Variants in MARCHF4 observed in about 807,000 individuals in gnomAD.
The protein encoded by MARCHF4 is E3 ubiquitin-protein ligase MARCHF4.
In MARCHF4, 14 loss-of-function variants were observed where a neutral mutation model predicts 43.9. That is an observed-to-expected ratio of 0.32 (90% CI 0.21 to 0.50). The LOEUF is 0.50. Among genes scored for constraint, MARCHF4 ranks in the 20% least tolerant of loss-of-function variants. The pLI is 0.98. For synonymous variants in MARCHF4, 226 were observed against 213.3 expected, an observed-to-expected ratio of 1.06 and a Z score of -0.52; for missense variants, 468 against 536.7, an observed-to-expected ratio of 0.87 and a Z score of 1.27.
chr2:216,359,786 G>A (rs1443402872), intron 1 of MARCHF4, among the ~76,000 whole-genome samples: 1 of 152,218 alleles, frequency 6.6e-6, no homozygotes, highest in South Asian at 2.1e-4. Flanking sequence ...TACCCTTAAA[G>A]CAAGAAACCT....
At chr2:216,353,309 T>A (rs1692429160) in intron 1 of MARCHF4, among the ~76,000 whole-genome samples, 1 of 152,234 alleles carries the variant, frequency 6.6e-6, no homozygotes, top group Non-Finnish European at 1.5e-5. Flanking sequence ...TTTGATCGCT[T>A]CCATTCTCTA....
rs1056520637 is a variant in MARCHF4, at chr2:216,354,947, C to G, written c.516+14798G>C. Reference sequence around the variant, plus strand: ...TCTTTCTTTCTTTCTTTCTTTCTTTCTTTCTTTCTTTCTTTCTTTCTTTCT... The same window carrying G: ...TCTTTCTTTCTTTCTTTCTTTCTTTGTTTCTTTCTTTCTTTCTTTCTTTCT... On this transcript the variant is annotated intron_variant, in intron 1 of 3. Transcript: ENST00000273067. Among the ~76,000 whole-genome samples, 52 of 140,186 alleles carry G rather than the reference C, an allele frequency of 3.7e-4. 1 individual carries two copies. The highest frequency in any genetic ancestry group is 7.2e-4 in the Non-Finnish European group (47 of 65,584). The allele number at this position is 140,186 out of a possible 152,430, so 92.0% of individuals were successfully genotyped here. A position where few individuals can be genotyped will look rare whatever the true frequency, so the allele number is the denominator to read the frequency against.
rs1309058137 is a variant in MARCHF4, at chr2:216,293,915, TA to T, written c.517-10187del. Among the ~76,000 whole-genome samples, 10 of 125,972 alleles carry T rather than the reference TA, an allele frequency of 7.9e-5. 2 individuals carry two copies. Among genetic ancestry groups the T allele is most frequent in the African/African-American group, 1.5e-4 (6 of 39,838 alleles). 82.6% of individuals were successfully genotyped at this position (125,972 alleles called of 152,430 possible). A position where few individuals can be genotyped will look rare whatever the true frequency, so the allele number is the denominator to read the frequency against. On this transcript the variant is annotated intron_variant, in intron 1 of 3. Coordinates refer to ENST00000273067, the MANE Select transcript of MARCHF4 (RefSeq NM_020814.3). ...ATGTGTACATTTATAATCATATCTG[TA>T]TTTCTAATGACCTAAATGTGTAATA...
At chr2:216,301,196 G>A (rs1400750048) in intron 1 of MARCHF4, among the ~76,000 whole-genome samples, 1 of 152,168 alleles carries the variant, frequency 6.6e-6, no homozygotes, top group African/African-American at 2.4e-5. Context: ...AGCAGGTTAG[G>A]GAAGCTCCAA....
At chr2:216,334,268 C>A (rs1447944253) in intron 1 of MARCHF4, among the ~76,000 whole-genome samples, 3 of 152,100 alleles carry the variant, frequency 2.0e-5, no homozygotes, top group Non-Finnish European at 4.4e-5. Flanking sequence ...AGGCCTTGAG[C>A]CAAGGAATGT....
intron 1 of MARCHF4, among the ~76,000 whole-genome samples, chr2:216,353,095 C>T (rs1462154925): frequency 1.3e-5 from 2 of 152,242 alleles, no homozygotes; most frequent in Non-Finnish European, 2.9e-5. Flanking sequence ...AACTTCATTT[C>T]CTGTGCCTTT....
intron 1 of MARCHF4, among the ~76,000 whole-genome samples, chr2:216,332,688 T>C (rs973787670): frequency 1.3e-5 from 2 of 152,144 alleles, no homozygotes; most frequent in African/African-American, 4.8e-5. Context: ...AGAAATTTAA[T>C]AAAATATAAA....
At chr2:216,294,352 A>G (rs1691357630) in intron 1 of MARCHF4, among the ~76,000 whole-genome samples, 1 of 152,270 alleles carries the variant, frequency 6.6e-6, no homozygotes, top group Non-Finnish European at 1.5e-5. Flanking sequence ...TTCAAAAATT[A>G]ATTTTCAGTC....
In MARCHF4 at chr2:216,259,578, G is replaced by A; in HGVS notation, c.967C>T (p.Leu323=). The change falls in exon 4 of 4, where the codon CTG becomes TTG. Residue 323 remains leucine, a synonymous_variant. Transcript: ENST00000273067. ...KVLNYDKTKD[L]EDQKAGGRTN... ...CTGCCTCCTGCCTTTTGATCCTCCA[G>A]GTCTTTTGTCTTGTCATAGTTCAGC... 6.2e-7 allele frequency: 1 copy of A among 1,614,206 alleles called. No homozygotes were observed.
Position 216,370,038 on chromosome 2 carries a change from C to T in MARCHF4, c.223G>A (p.Ala75Thr), listed in dbSNP as rs1255738701. 2 of 1,549,934 alleles carry T rather than the reference C, an allele frequency of 1.3e-6. No homozygotes were observed. Among genetic ancestry groups the T allele is most frequent in the South Asian group, 1.2e-5 (1 of 84,804 alleles). ...HGDPQPPGLA[A>T]NNTLPALGAG... ...CCCAGAGCCGGAAGGGTGTTGTTGG[C>T]CGCCAAACCGGGGGGCTGGGGGTCG... The change falls in exon 1 of 4, where the codon GCC (alanine) becomes ACC (threonine). Residue 75 changes from alanine (A) to threonine (T), a missense_variant. Physicochemically the swap from Ala to Thr is moderately conservative, Grantham distance 58. Around this residue, in one of 3 missense-constraint regions of MARCHF4, gnomAD observed 190 missense variants for 158.5 expected, o/e 1.20. Transcript: ENST00000273067.
At chr2:216,329,910 AC>A (rs1438841264) in intron 1 of MARCHF4, among the ~76,000 whole-genome samples, 2 of 151,834 alleles carry the variant, frequency 1.3e-5, no homozygotes, top group African/African-American at 4.8e-5. Flanking sequence ...GCATTGTGAC[AC>A]CCCTGTTTCT....
chr2:216,350,535 T>C (rs1692390700), intron 1 of MARCHF4, among the ~76,000 whole-genome samples: 1 of 151,576 alleles, frequency 6.6e-6, no homozygotes, highest in South Asian at 2.1e-4. Flanking sequence ...ACCACCACAC[T>C]GTGCCACACC....
intron 1 of MARCHF4, among the ~76,000 whole-genome samples, chr2:216,347,359 A>G (rs971441523): frequency 2.6e-5 from 4 of 152,206 alleles, no homozygotes; most frequent in Admixed American, 6.5e-5. Flanking sequence ...TAGAATGGAG[A>G]AAATAAAAAT....
chr2:216,277,099 C>T (rs1430187005), intron 3 of MARCHF4, among the ~76,000 whole-genome samples: 1 of 152,148 alleles, frequency 6.6e-6, no homozygotes, highest in Non-Finnish European at 1.5e-5. Flanking sequence ...CTCTGTGCGG[C>T]ATTCCTTTTC....
intron 1 of MARCHF4, among the ~76,000 whole-genome samples, chr2:216,367,392 T>C (rs571833594): frequency 1.3e-5 from 2 of 151,854 alleles, no homozygotes; most frequent in African/African-American, 4.8e-5. Context: ...ATCTCTCTCT[T>C]CCTTTTCTAG....
At chr2:216,291,862 T>G (rs1691311930) in intron 1 of MARCHF4, among the ~76,000 whole-genome samples, 1 of 152,224 alleles carries the variant, frequency 6.6e-6, no homozygotes, top group East Asian at 1.9e-4. Flanking sequence ...GAGAGGTTGT[T>G]ACTTGCTCAA....
At chr2:216,333,336 G>A (rs965252818) in intron 1 of MARCHF4, among the ~76,000 whole-genome samples, 3 of 152,216 alleles carry the variant, frequency 2.0e-5, no homozygotes, top group African/African-American at 7.2e-5. Flanking sequence ...TAAAAGGCTT[G>A]AACAGGTACT....
At chr2:216,362,577 T>A (rs1467314742) in intron 1 of MARCHF4, among the ~76,000 whole-genome samples, 5 of 152,182 alleles carry the variant, frequency 3.3e-5, no homozygotes, top group Non-Finnish European at 4.4e-5. Flanking sequence ...TCCTCATGAG[T>A]ACAATTCGCT....
At chr2:216,262,570 G>T (rs1198655041) in intron 3 of MARCHF4, among the ~76,000 whole-genome samples, 3 of 152,158 alleles carry the variant, frequency 2.0e-5, no homozygotes, top group African/African-American at 7.2e-5. Flanking sequence ...GGGGGGTGAT[G>T]GTCGGAGAGT....
Sources: allele counts gnomAD v4.1 joint callset (sites outside exome capture counted in the v4.1 genomes callset), GRCh38; gene constraint gnomAD v4.1.1; regional missense constraint gnomAD v4.1.1; transcripts MANE v1.5; gene names NCBI Gene and HGNC (gene_info 2026-07-23, HGNC 2026-07-21).